HMGN1: variants seen among roughly 807,000 people sequenced by gnomAD.
HMGN1 encodes non-histone chromosomal protein HMG-14.
Under a neutral mutation model 18.4 loss-of-function variants are expected in HMGN1, and 9 were observed. The observed-to-expected ratio is 0.49, with a 90% CI of 0.29 to 0.85. The LOEUF is 0.85. Ranked by LOEUF, HMGN1 falls within the 40% of genes least tolerant of loss-of-function variation. The pLI is 0.07. For missense variants in HMGN1, 151 were observed against 119.2 expected (o/e 1.27, Z -1.24); for synonymous variants, 59 against 45.0 (o/e 1.31, Z -1.24).
At chr21:39,347,678 C>G (rs1296868284) in intron 4 of HMGN1, 2 of 316,176 alleles carry the variant, frequency 6.3e-6, no homozygotes, top group Non-Finnish European at 1.3e-5. Flanking sequence ...TGCAAGTTAT[C>G]AAACACACGT....
chr21:39,344,144 C>T (rs1316682582), intron 5 of HMGN1, among the ~76,000 whole-genome samples: 1 of 151,090 alleles, frequency 6.6e-6, no homozygotes, highest in East Asian at 1.9e-4. Flanking sequence ...TAATCCCAGC[C>T]GCTCAGGAGG....
Position 39,342,948 on chromosome 21 carries a change from A to C in HMGN1, c.*164T>G, listed in dbSNP as rs1438118011. The C allele has an allele frequency of 3.1e-6, 4 of 1,271,782 alleles. No individual in the cohort carries two copies. The highest frequency in any genetic ancestry group is 4.4e-6 in the Non-Finnish European group (4 of 909,516). The allele number at this position is 1,271,782 out of a possible 1,614,324, so 78.8% of individuals were successfully genotyped here. On this transcript the variant is annotated 3_prime_UTR_variant, in exon 6 of 6. Transcript: ENST00000380749. ...CAAATGATTTCACCTCTTAAAAAAA[A>C]GCATTTACACTTAAAAAATGGGATG...
chr21:39,345,767 T>C, intron 4 of HMGN1: 3 of 1,248,270 alleles, frequency 2.4e-6, no homozygotes, highest in Non-Finnish European at 2.1e-6. Context: ...ATCCCCAAAT[T>C]TGTTGTGAAC....
rs887408231 is a variant in HMGN1, at chr21:39,342,722, G to A, written c.*390C>T. On this transcript the variant is annotated 3_prime_UTR_variant, in exon 6 of 6. Coordinates refer to ENST00000380749, the MANE Select transcript of HMGN1 (RefSeq NM_004965.7). ...AAACAATTCTACTAAAAAACAACAT[G>A]GTAATAGAAGTAATTTAAAATGTTC... 2.4e-5 allele frequency: 10 copies of A among 408,170 alleles called. No individual in the cohort carries two copies. Among genetic ancestry groups the A allele is most frequent in the Admixed American group, 4.2e-5 (1 of 23,658 alleles). The allele number at this position is 408,170 out of a possible 1,614,324, so 25.3% of individuals were successfully genotyped here.
chr21:39,344,121 G>A (rs1337137317), intron 5 of HMGN1, among the ~76,000 whole-genome samples: 1 of 151,872 alleles, frequency 6.6e-6, no homozygotes, highest in African/African-American at 2.4e-5. Flanking sequence ...TTGGGTGTGG[G>A]GATGCACGCC....
intron 5 of HMGN1, among the ~76,000 whole-genome samples, chr21:39,343,721 TA>T (rs2036944553): frequency 6.6e-6 from 1 of 152,238 alleles, no homozygotes; most frequent in South Asian, 2.1e-4. Context: ...CAAAGTCACG[TA>T]TTTTCAGTTG....
Position 39,348,572 on chromosome 21 carries a change from G to A in HMGN1, c.21C>T (p.Ser7=). The change falls in exon 2 of 6, where the codon AGC becomes AGT. Residue 7 remains serine, a synonymous_variant. Coordinates refer to ENST00000380749, the MANE Select transcript of HMGN1 (RefSeq NM_004965.7). MPKRKV[S]SAEGAAKEEP... ...CTTCCTTGGCGGCGCCTTCGGCGGA[G>A]CTGACCTGCGGAGACGGAGACGCAC... 3 of 1,607,804 alleles carry A rather than the reference G, an allele frequency of 1.9e-6. No homozygotes were observed. Among genetic ancestry groups the A allele is most frequent in the Non-Finnish European group, 2.5e-6 (3 of 1,177,424 alleles).
At position 39,345,187 on chromosome 21, in the gene HMGN1, C is replaced by T. The variant is rs189031203; in HGVS notation, c.214G>A (p.Glu72Lys). 86 of 1,612,754 alleles carry T rather than the reference C, an allele frequency of 5.3e-5. 3 individuals are homozygous for T. In the Middle Eastern group the frequency reaches 2.7e-3, roughly 50 times the overall value. ...TCCCCGTTTTCCGCAGGTAAGTCTT[C>T]TTTAGTTTCTTGGTTAGCCACTTCG... is the stretch of plus-strand genomic sequence containing the variant. ...QAEVANQETK[E>K]DLPAENGETK... Residue 72 changes from glutamate (E) to lysine (K), a missense_variant, in exon 5 of 6, where the codon GAA (glutamate) becomes AAA (lysine). Glu to Lys is a moderately conservative substitution (Grantham distance 56). Transcript: ENST00000380749.
At chr21:39,347,195 C>T (rs2037086668) in intron 4 of HMGN1, 1 of 352,826 alleles carries the variant, frequency 2.8e-6, no homozygotes, top group Non-Finnish European at 4.5e-6. Flanking sequence ...AGAATTACCA[C>T]ATGGTCTTCT....
chr21:39,343,200 G>T (rs765728735), intron 5 of HMGN1, 41 bp from the exon 6 acceptor site: 1 of 1,558,706 alleles, frequency 6.4e-7, no homozygotes, highest in East Asian at 2.3e-5. Context: ...CATTTAACAC[G>T]TTGTCGTTTT....
chr21:39,345,347 T>G (rs981677585), intron 4 of HMGN1, 73 bp from the exon 5 acceptor site: 1 of 1,468,768 alleles, frequency 6.8e-7, no homozygotes, highest in African/African-American at 1.4e-5. Flanking sequence ...CTTTTTCCCC[T>G]TCATGTCAGA....
At chr21:39,348,762 C>T in intron 1 of HMGN1, 141 bp downstream of exon 1, 1 of 1,068,370 alleles carries the variant, frequency 9.4e-7, no homozygotes, top group Non-Finnish European at 1.2e-6. Context: ...CCGCCGAGCG[C>T]TCGCCTGCCC....
chr21:39,345,854 G>T, intron 4 of HMGN1: 3 of 1,302,694 alleles, frequency 2.3e-6, no homozygotes, highest in Non-Finnish European at 3.0e-6. Context: ...CATGCCGTAC[G>T]GTCAGGTTGA....
At position 39,348,410 on chromosome 21, in the gene HMGN1, C is replaced by G. The variant is rs771021827; in HGVS notation, c.78+12G>C. 6.2e-7 allele frequency: 1 copy of G among 1,614,174 alleles called. No homozygotes were observed. The highest frequency in any genetic ancestry group is 1.3e-5 in the African/African-American group (1 of 75,048). ...GCGGAAAACGAACGGTTACGGGGCT[C>G]GCTTTACTTACAGCTGACAACCGCG... On this transcript the variant is annotated intron_variant, in intron 3 of 5. Coordinates refer to ENST00000380749, the MANE Select transcript of HMGN1 (RefSeq NM_004965.7).
intron 4 of HMGN1, 43 bp from the exon 5 acceptor site, chr21:39,345,317 C>G (rs768237103): frequency 1.3e-6 from 2 of 1,571,980 alleles, no homozygotes; most frequent in East Asian, 4.5e-5. Flanking sequence ...TGCTTTACTC[C>G]TTATTTACAT....
At chr21:39,345,051 A>G in intron 5 of HMGN1, 95 bp downstream of exon 5, 1 of 1,373,044 alleles carries the variant, frequency 7.3e-7, no homozygotes, top group Non-Finnish European at 9.7e-7. Flanking sequence ...TATAATGAAT[A>G]CTGTTATCTG....
At chr21:39,344,463 A>G (rs2036973790) in intron 5 of HMGN1, 1 of 152,166 alleles carries the variant, frequency 6.6e-6, no homozygotes, top group East Asian at 1.9e-4. Context: ...CTTAGCTAAT[A>G]TAACAAACAT....
intron 1 of HMGN1, 42 bp downstream of exon 1, chr21:39,348,861 G>A: frequency 1.8e-6 from 2 of 1,087,188 alleles, no homozygotes; most frequent in Non-Finnish European, 2.2e-6. Context: ...GGGCGCCGGC[G>A]GCGGCTCCAG....
chr21:39,348,015 C>T (rs573823874), intron 4 of HMGN1: 179 of 1,174,048 alleles, frequency 1.5e-4, no homozygotes, highest in Admixed American at 2.1e-4. Context: ...CCACAATGTA[C>T]GCAACGCAAA....
Sources: allele counts gnomAD v4.1 joint callset (sites outside exome capture counted in the v4.1 genomes callset), GRCh38; gene constraint gnomAD v4.1.1; transcripts MANE v1.5; gene names NCBI Gene and HGNC (gene_info 2026-07-23, HGNC 2026-07-21).